The following NPAS3 variants were observed in gnomAD, a reference collection of about 807,000 sequenced individuals.
The protein encoded by NPAS3 is neuronal PAS domain-containing protein 3.
NPAS3 carries 14 observed loss-of-function variants against 73.1 expected under a neutral mutation model. That is an observed-to-expected ratio of 0.19 (90% CI 0.13 to 0.30). The LOEUF (loss-of-function observed/expected upper bound fraction) is 0.30. NPAS3 is among the 10% of genes least tolerant of loss of function. The pLI, the probability that NPAS3 is intolerant of heterozygous loss-of-function variation, is 1.00. For missense variants in NPAS3, 1,096 were observed against 1,250.0 expected (o/e 0.88, Z 1.86); for synonymous variants, 620 against 541.5 (o/e 1.14, Z -2.01).
At chr14:33,059,087 A>G (rs1399426963) in intron 2 of NPAS3, among the ~76,000 whole-genome samples, 1 of 152,220 alleles carries the variant, frequency 6.6e-6, no homozygotes, top group Non-Finnish European at 1.5e-5. Context: ...AGTTGCAGAA[A>G]GTACTTGCAC....
chr14:33,295,199 G>A (rs1373141749), intron 3 of NPAS3, among the ~76,000 whole-genome samples: 1 of 152,096 alleles, frequency 6.6e-6, no homozygotes, highest in Non-Finnish European at 1.5e-5. Context: ...ACAAAACAAT[G>A]GAGCGTCCCC....
chr14:33,339,681 G>A (rs760433071), intron 3 of NPAS3, among the ~76,000 whole-genome samples: 2 of 152,076 alleles, frequency 1.3e-5, no homozygotes, highest in Non-Finnish European at 2.9e-5. Context: ...CCTGTCAAAT[G>A]ACATAAATAA....
chr14:33,277,311 G>A (rs908984527), intron 3 of NPAS3, among the ~76,000 whole-genome samples: 1 of 152,100 alleles, frequency 6.6e-6, no homozygotes, highest in Non-Finnish European at 1.5e-5. Context: ...CTCTGGCACT[G>A]ATTAACTGGC....
At chr14:33,497,267 T>C (rs2052249846) in intron 4 of NPAS3, among the ~76,000 whole-genome samples, 1 of 152,134 alleles carries the variant, frequency 6.6e-6, no homozygotes, top group African/African-American at 2.4e-5. Flanking sequence ...AAAATGGCCA[T>C]ACTGCCCAAA....
chr14:33,083,737 T>C (rs1953434), intron 2 of NPAS3, among the ~76,000 whole-genome samples: 132,310 of 152,228 alleles, frequency 0.87, 57,581 homozygotes, highest in Middle Eastern at 0.94. Flanking sequence ...ACTCTAGAGC[T>C]AGTGCATTTC....
intron 4 of NPAS3, among the ~76,000 whole-genome samples, chr14:33,515,793 A>G (rs2053269175): frequency 1.3e-5 from 2 of 152,100 alleles, no homozygotes; most frequent in Admixed American, 1.3e-4. Context: ...ATTGCTCTTC[A>G]TGGATCTTGT....
intron 3 of NPAS3, among the ~76,000 whole-genome samples, chr14:33,291,732 A>G (rs2042106874): frequency 6.6e-6 from 1 of 152,248 alleles, no homozygotes; most frequent in African/African-American, 2.4e-5. Flanking sequence ...AAAATTTCAC[A>G]ATCATGTCAA....
rs150785601 is a variant in NPAS3, at chr14:33,437,408, G to A, written c.468+70140G>A. On this transcript the variant is annotated intron_variant, in intron 4 of 11. Transcript: ENST00000356141. ...ATATCTGTGGCCATAGAGAAAGTCA[G>A]GTTAAGAAGGACATGACTTATAATT... 3.2e-4 allele frequency among the ~76,000 whole-genome samples: 49 copies of A among 152,250 alleles called. 1 individual carries two copies. In the East Asian group the frequency reaches 9.3e-3, roughly 29 times the overall value.
chr14:33,274,513 C>T (rs1359890710), intron 3 of NPAS3, among the ~76,000 whole-genome samples: 8 of 152,046 alleles, frequency 5.3e-5, no homozygotes, highest in African/African-American at 1.7e-4. Context: ...TACAATTGGC[C>T]GCTACCCGCT....
chr14:33,233,863 T>C (rs1230204817), intron 3 of NPAS3, among the ~76,000 whole-genome samples: 1 of 152,162 alleles, frequency 6.6e-6, no homozygotes, highest in African/African-American at 2.4e-5. Flanking sequence ...CTATCAAATA[T>C]AATGAAAAAC....
intron 5 of NPAS3, among the ~76,000 whole-genome samples, chr14:33,667,241 G>A (rs1015843612): frequency 2.6e-5 from 4 of 152,126 alleles, no homozygotes; most frequent in Non-Finnish European, 4.4e-5. Context: ...CACCTGACTC[G>A]TGCCTTCCAT....
At chr14:33,439,549 G>A (rs11156789) in intron 4 of NPAS3, among the ~76,000 whole-genome samples, 50,499 of 152,058 alleles carry the variant, frequency 0.33, 8,709 homozygotes, top group East Asian at 0.46. Flanking sequence ...GAATCTTGAG[G>A]AAGAATCTGA....
chr14:33,750,245 T>G (rs1234893503), intron 7 of NPAS3, among the ~76,000 whole-genome samples: 1 of 151,952 alleles, frequency 6.6e-6, no homozygotes, highest in Non-Finnish European at 1.5e-5. Context: ...GCATCATTAG[T>G]ACTCTGTCAT....
intron 4 of NPAS3, among the ~76,000 whole-genome samples, chr14:33,484,605 C>T (rs1401672226): frequency 1.3e-5 from 2 of 152,194 alleles, no homozygotes; most frequent in Admixed American, 6.5e-5. Flanking sequence ...ATAAATAGTA[C>T]ATGCTTAGAG....
chr14:33,582,936 C>T lies in NPAS3; in HGVS notation c.558+22726C>T, dbSNP rs539741891. Among the ~76,000 whole-genome samples the T allele has an allele frequency of 2.6e-4, 38 of 145,948 alleles. 1 individual carries two copies. In the South Asian group the frequency reaches 7.4e-3, roughly 28 times the overall value. On this transcript the variant is annotated intron_variant, in intron 5 of 11. Transcript: ENST00000356141. ...TAAAAATACATAGATATTTCTTCAC[C>T]TCACTACTTCCTTTGGACCTAGATA...
intron 3 of NPAS3, among the ~76,000 whole-genome samples, chr14:33,310,303 GAA>G (rs74705134): frequency 5.4e-5 from 8 of 147,818 alleles, no homozygotes; most frequent in Admixed American, 1.4e-4. Flanking sequence ...CATAGCATCT[GAA>G]AAAAAAAAAG....
At chr14:33,583,485 C>T (rs551754779) in intron 5 of NPAS3, 53 of 151,866 alleles carry the variant, frequency 3.5e-4, no homozygotes, top group African/African-American at 1.2e-3. Context: ...TTTCAGTAAA[C>T]GATATATGTA....
chr14:33,641,817 T>C (rs1309413329), intron 5 of NPAS3, among the ~76,000 whole-genome samples: 1 of 152,154 alleles, frequency 6.6e-6, no homozygotes, highest in Admixed American at 6.5e-5. Flanking sequence ...TTTGTGCTAA[T>C]GGTACAGCGG....
chr14:32,948,409 T>A (rs2036351271), intron 1 of NPAS3, among the ~76,000 whole-genome samples: 1 of 152,174 alleles, frequency 6.6e-6, no homozygotes, highest in Non-Finnish European at 1.5e-5. Flanking sequence ...CTCCATATTA[T>A]GTAGTATGTA....
Sources: gnomAD v4.1 joint callset for allele counts (sites outside exome capture counted in the v4.1 genomes callset) on GRCh38, gnomAD v4.1.1 for gene constraint, MANE v1.5 for transcripts, NCBI Gene and HGNC (gene_info 2026-07-23, HGNC 2026-07-21) for gene names.